MALRD1: variants seen among roughly 807,000 people sequenced by gnomAD.
MALRD1 encodes the protein MAM and LDL-receptor class A domain-containing protein 1.
A neutral mutation model predicts 242.1 loss-of-function variants in MALRD1; 247 were observed. The observed-to-expected ratio is 1.02, with a 90% CI of 0.92 to 1.13. The LOEUF (loss-of-function observed/expected upper bound fraction) is 1.13, where lower values mean the gene tolerates loss of function less well. Among genes scored for constraint, MALRD1 ranks in the 50% most tolerant of loss-of-function variants. MALRD1 has a pLI of 0.00. For synonymous variants in MALRD1, 995 were observed against 866.6 expected (o/e 1.15, Z -2.60); for missense variants, 2,989 against 2,533.1 (o/e 1.18, Z -3.86).
rs1564446635 is a variant in MALRD1 at position 19,567,590 on chromosome 10, C to T, written c.5567C>T (p.Pro1856Leu). The stretch of plus-strand genomic sequence containing the variant: ...ACGGGATGGACATATGGCTCTGTGC[C>T]TCTCTCCAGTAACAGTCCGTTTAAG... ...KRTGWTYGSV[P>L]LSSNSPFKVA... The change falls in exon 33 of 40, where the codon CCT becomes CTT. Residue 1856 changes from proline to leucine, a missense_variant. Coordinates refer to ENST00000454679, the MANE Select transcript of MALRD1 (RefSeq NM_001142308.3). The T allele has an allele frequency of 6.4e-7, 1 of 1,550,414 alleles. No homozygotes were observed. Among genetic ancestry groups the T allele is most frequent in the Non-Finnish European group, 8.7e-7 (1 of 1,146,956 alleles).
chr10:19,347,936 T>C lies in MALRD1; in HGVS notation c.4067T>C (p.Ile1356Thr). The C allele has an allele frequency of 6.5e-7, 1 of 1,550,364 alleles. No individual in the cohort carries two copies. Among genetic ancestry groups the C allele is most frequent in the East Asian group, 2.4e-5 (1 of 40,900 alleles). ...AATTCATCTGGTCATTACATCTTTA[T>C]AAAGAGTTTGTTTCCTCAGCAGCCC... ...LGNSSGHYIF[I>T]KSLFPQQPMR... The change falls in exon 25 of 40, where the codon ATA becomes ACA. Residue 1356 changes from isoleucine to threonine, a missense_variant. By Grantham distance (89) the Ile-to-Thr change is moderately conservative. Transcript: ENST00000454679.
At chr10:19,242,555 C>G (rs1192980604) in intron 18 of MALRD1, among the ~76,000 whole-genome samples, 1 of 152,036 alleles carries the variant, frequency 6.6e-6, no homozygotes, top group Non-Finnish European at 1.5e-5. Flanking sequence ...CAGTCTATCT[C>G]TACCTTTAAA....
At chr10:19,053,431 CG>C (rs1834567564) in intron 1 of MALRD1, among the ~76,000 whole-genome samples, 1 of 152,240 alleles carries the variant, frequency 6.6e-6, no homozygotes, top group Non-Finnish European at 1.5e-5. Flanking sequence ...TCAAGATCCT[CG>C]GCAGGAATTA....
At position 19,124,637 on chromosome 10, in the gene MALRD1, A is replaced by G. The variant is rs1195172654; in HGVS notation, c.910A>G (p.Thr304Ala). ...GAGAGAGATCCCTGCATTCGAATCC[A>G]CACCTCAGCAGGATCAAGGAGGTGA... ...KAREIPAFES[T>A]PQQDQGGDDE... is the part of the protein sequence containing the mutation. The change falls in exon 7 of 40, where the codon ACA becomes GCA. Residue 304 changes from threonine to alanine, a missense_variant. Physicochemically the swap from Thr to Ala is moderately conservative, Grantham distance 58 (BLOSUM62 0). Transcript: ENST00000454679. 8.1e-7 allele frequency: 1 copy of G among 1,233,792 alleles called. No homozygotes were observed. The highest frequency in any genetic ancestry group is 3.2e-5 in the East Asian group (1 of 31,696). The allele number at this position is 1,233,792 out of a possible 1,614,324, so 76.4% of individuals were successfully genotyped here.
chr10:19,131,464 G>A (rs910744529), intron 8 of MALRD1, among the ~76,000 whole-genome samples: 1 of 152,132 alleles, frequency 6.6e-6, no homozygotes, highest in Non-Finnish European at 1.5e-5. Flanking sequence ...TATTGGGTTA[G>A]ATCTGCGTCC....
chr10:19,575,315 T>C (rs1373551793), intron 33 of MALRD1, among the ~76,000 whole-genome samples: 1 of 152,084 alleles, frequency 6.6e-6, no homozygotes, highest in Non-Finnish European at 1.5e-5. Flanking sequence ...ACTCCCAGCA[T>C]GGTTGATTTC....
intron 29 of MALRD1, chr10:19,488,539 T>A (rs947268127): frequency 2.6e-5 from 4 of 153,034 alleles, no homozygotes; most frequent in Non-Finnish European, 5.8e-5. Context: ...ATCATAAGTT[T>A]GGGCAGCGGG....
chr10:19,187,229 G>T (rs1301137414), intron 14 of MALRD1, among the ~76,000 whole-genome samples: 1 of 151,250 alleles, frequency 6.6e-6, no homozygotes, highest in Non-Finnish European at 1.5e-5. Flanking sequence ...CTTCCTAGCT[G>T]GGGACAGACT....
chr10:19,387,843 T>A (rs1408351245), intron 27 of MALRD1, 70 bp downstream of exon 27: 4 of 1,492,710 alleles, frequency 2.7e-6, no homozygotes, highest in Non-Finnish European at 3.6e-6. Flanking sequence ...TCTTTTCTGA[T>A]AGCAACTGGG....
At chr10:19,222,160 C>T (rs1211992803) in intron 18 of MALRD1, among the ~76,000 whole-genome samples, 1 of 151,860 alleles carries the variant, frequency 6.6e-6, no homozygotes, top group Non-Finnish European at 1.5e-5. Flanking sequence ...CTTCTTGTTC[C>T]CTCCCTCCCT....
intron 36 of MALRD1, among the ~76,000 whole-genome samples, chr10:19,685,265 C>A (rs1181412642): frequency 6.6e-6 from 1 of 151,998 alleles, no homozygotes; most frequent in Non-Finnish European, 1.5e-5. Context: ...TATTTTGCAT[C>A]TTAGTTATTT....
intron 36 of MALRD1, among the ~76,000 whole-genome samples, chr10:19,652,573 G>A (rs1265613056): frequency 2.6e-5 from 4 of 152,138 alleles, no homozygotes; most frequent in Non-Finnish European, 5.9e-5. Context: ...GAGATGCTCT[G>A]TGAACCAAGT....
At position 19,215,770 on chromosome 10, in the gene MALRD1, T is replaced by G. The variant is rs12244291; in HGVS notation, c.2991+6090T>G. 9.4e-3 allele frequency among the ~76,000 whole-genome samples: 1,215 copies of G among 129,508 alleles called. 17 individuals are homozygous for G. Among genetic ancestry groups the G allele is most frequent in the African/African-American group, 0.031 (1,147 of 37,060 alleles). 85.0% of individuals were successfully genotyped at this position (129,508 alleles called of 152,430 possible). On this transcript the variant is annotated intron_variant, in intron 18 of 39. Transcript: ENST00000454679. ...ATAATAATTAGTATAAACAAATAATTTAGTATAATTAGTATAAATAAATAG... is the reference window on the plus strand; with the variant it reads ...ATAATAATTAGTATAAACAAATAATGTAGTATAATTAGTATAAATAAATAG...
At chr10:19,553,443 A>G (rs372255115) in intron 32 of MALRD1, among the ~76,000 whole-genome samples, 33 of 152,274 alleles carry the variant, frequency 2.2e-4, no homozygotes, top group South Asian at 1.2e-3. Context: ...ATTTTGTTAC[A>G]TCATTAAAAA....
intron 10 of MALRD1, among the ~76,000 whole-genome samples, chr10:19,144,083 C>T (rs535408263): frequency 6.6e-6 from 1 of 152,312 alleles, no homozygotes; most frequent in Non-Finnish European, 1.5e-5. Flanking sequence ...CATAGCAGTG[C>T]ACCATTAGGC....
chr10:19,525,780 C>G (rs1350177165), intron 31 of MALRD1, among the ~76,000 whole-genome samples: 1 of 152,036 alleles, frequency 6.6e-6, no homozygotes, highest in Non-Finnish European at 1.5e-5. Context: ...ATACAATATT[C>G]CAGAACACTA....
At chr10:19,054,727 G>T (rs941141249) in intron 1 of MALRD1, among the ~76,000 whole-genome samples, 2 of 152,130 alleles carry the variant, frequency 1.3e-5, no homozygotes, top group African/African-American at 4.8e-5. Flanking sequence ...TGTCACGAAT[G>T]ACAGGATTTC....
intron 38 of MALRD1, among the ~76,000 whole-genome samples, chr10:19,716,273 G>A (rs1834381290): frequency 1.3e-5 from 2 of 152,184 alleles, no homozygotes; most frequent in African/African-American, 4.8e-5. Flanking sequence ...ATTGTTGGAG[G>A]TGGAGCCTGC....
intron 18 of MALRD1, among the ~76,000 whole-genome samples, chr10:19,251,149 C>T (rs1017344937): frequency 2.0e-5 from 3 of 151,766 alleles, no homozygotes; most frequent in African/African-American, 7.3e-5. Flanking sequence ...TTCCAGTGTG[C>T]AGATACATTA....
Sources: allele counts gnomAD v4.1 joint callset (sites outside exome capture counted in the v4.1 genomes callset), GRCh38; gene constraint gnomAD v4.1.1; transcripts MANE v1.5; gene names NCBI Gene and HGNC (gene_info 2026-07-23, HGNC 2026-07-21).